Variants in DPP8 observed in about 807,000 individuals in gnomAD.
DPP8 encodes the protein DPP VIII.
In DPP8, 31 loss-of-function variants were observed where a neutral mutation model predicts 107.5. The ratio of observed to expected loss-of-function variants is 0.29; its 90% CI spans 0.22 to 0.39. The LOEUF (loss-of-function observed/expected upper bound fraction) is 0.39, where lower values mean the gene tolerates loss of function less well. DPP8 is among the 10% of genes least tolerant of loss of function. The pLI, the probability that DPP8 is intolerant of heterozygous loss-of-function variation, is 1.00. For missense variants in DPP8, 842 were observed against 1,076.1 expected (o/e 0.78, Z 3.04); for synonymous variants, 381 against 356.6 (o/e 1.07, Z -0.77).
At chr15:65,452,943 C>T (rs1225612207) in intron 17 of DPP8, among the ~76,000 whole-genome samples, 1 of 151,946 alleles carries the variant, frequency 6.6e-6, no homozygotes, top group Non-Finnish European at 1.5e-5. Flanking sequence ...TGCATTCCAG[C>T]CTGGGTGACA....
chr15:65,448,383 T>C (rs1384683586), intron 19 of DPP8, among the ~76,000 whole-genome samples: 1 of 151,638 alleles, frequency 6.6e-6, no homozygotes, highest in Admixed American at 6.6e-5. Flanking sequence ...TTTTTAAAAA[T>C]ATATTTAGGC....
intron 12 of DPP8, among the ~76,000 whole-genome samples, chr15:65,469,871 T>G (rs560699350): frequency 2.0e-5 from 3 of 151,450 alleles, no homozygotes; most frequent in African/African-American, 7.3e-5. Flanking sequence ...TTAAAAGTCT[T>G]AAAGCTTTAC....
intron 4 of DPP8, among the ~76,000 whole-genome samples, chr15:65,499,613 A>G (rs535008594): frequency 2.6e-5 from 4 of 152,084 alleles, no homozygotes; most frequent in Non-Finnish European, 4.4e-5. Context: ...CATCCACGCT[A>G]AAGTGCAGCA....
At chr15:65,510,679 C>T (rs549200373) in intron 2 of DPP8, among the ~76,000 whole-genome samples, 1 of 152,284 alleles carries the variant, frequency 6.6e-6, no homozygotes, top group East Asian at 1.9e-4. Context: ...GCTGGGATTA[C>T]AAGTGTGTAC....
rs920001 is a variant in DPP8, at chr15:65,466,170, G to C, written c.1825+508C>G. ...TCTTTATTTGTTGAGACAAGGTCTTGCTTTGTCACCCAGGCTGCAGTTCAG... is the reference window on the plus strand; with the variant it reads ...TCTTTATTTGTTGAGACAAGGTCTTCCTTTGTCACCCAGGCTGCAGTTCAG... On this transcript the variant is annotated intron_variant, in intron 14 of 19. Coordinates refer to ENST00000300141, the MANE Select transcript of DPP8 (RefSeq NM_130434.5). 5.9e-3 allele frequency among the ~76,000 whole-genome samples: 900 copies of C among 152,194 alleles called. 9 individuals carry two copies. Among genetic ancestry groups the C allele is most frequent in the African/African-American group, 0.019 (803 of 41,526 alleles).
At chr15:65,470,919 C>CA (rs773144225) in intron 12 of DPP8, among the ~76,000 whole-genome samples, 22,957 of 110,506 alleles carry the variant, frequency 0.21, 1,995 homozygotes, top group Non-Finnish European at 0.24. Context: ...ACTCTTATCT[C>CA]AAAAAAAAAA....
chr15:65,474,069 A>AC, intron 12 of DPP8, 140 bp downstream of exon 12: 1 of 636,048 alleles, frequency 1.6e-6, no homozygotes. Flanking sequence ...ACCCCATTGC[A>AC]CTCCAGCCCT....
rs2069124176 is a variant in DPP8, at chr15:65,500,669, T to C, written c.483A>G (p.Thr161=). The C allele has an allele frequency of 1.2e-6, 2 of 1,614,046 alleles. No homozygotes were observed. The highest frequency in any genetic ancestry group is 8.5e-7 in the Non-Finnish European group (1 of 1,179,972). Residue 161 remains threonine, a synonymous_variant, in exon 4 of 20, where the codon ACA becomes ACG. Transcript: ENST00000300141. ...ASYDYHQGSG[T]FLFQAGSGIY... Reference sequence around the variant, plus strand: ...TTCCACTACCGGCTTGAAACAGAAATGTTCCACTTCCTTGGTGATAATCGT... The same window carrying C: ...TTCCACTACCGGCTTGAAACAGAAACGTTCCACTTCCTTGGTGATAATCGT...
intron 5 of DPP8, among the ~76,000 whole-genome samples, chr15:65,493,457 A>G (rs2068250444): frequency 6.6e-6 from 1 of 152,216 alleles, no homozygotes; most frequent in African/African-American, 2.4e-5. Flanking sequence ...ATACCTTGCA[A>G]TCATATACAC....
intron 16 of DPP8, 107 bp downstream of exon 16, chr15:65,456,118 A>G: frequency 7.9e-6 from 10 of 1,271,278 alleles, no homozygotes; most frequent in East Asian, 4.7e-5. Flanking sequence ...ACTCTCACTC[A>G]CTCATTCATA....
At chr15:65,457,920 A>G (rs1398254700) in intron 15 of DPP8, among the ~76,000 whole-genome samples, 1 of 152,174 alleles carries the variant, frequency 6.6e-6, no homozygotes, top group African/African-American at 2.4e-5. Flanking sequence ...CAGCCTCTGA[A>G]TAGCTGGGAT....
At chr15:65,507,157 C>A in intron 3 of DPP8, 86 bp downstream of exon 3, 1 of 687,764 alleles carries the variant, frequency 1.5e-6, no homozygotes, top group Non-Finnish European at 2.3e-6. Context: ...TTTACATCTA[C>A]TTCAAATATA....
At chr15:65,476,108 C>G (rs1200377845) in intron 11 of DPP8, among the ~76,000 whole-genome samples, 1 of 152,142 alleles carries the variant, frequency 6.6e-6, no homozygotes, top group African/African-American at 2.4e-5. Flanking sequence ...GCCTAAGGAA[C>G]AGCTTAAAAA....
In DPP8 at chr15:65,507,282, G is replaced by A; in HGVS notation, c.333C>T (p.Val111=). Residue 111 remains valine, a synonymous_variant, in exon 3 of 20, where the codon GTC becomes GTT. Coordinates refer to ENST00000300141, the MANE Select transcript of DPP8 (RefSeq NM_130434.5). Reference sequence around the variant, plus strand: ...AAAGAGGCTTCCAAGAGAGCATTAAGACTGCTGCTCTATTGATAGTTTTGG... The same window carrying A: ...AAAGAGGCTTCCAAGAGAGCATTAAAACTGCTGCTCTATTGATAGTTTTGG... The part of the protein sequence containing the change: ...EIPKTINRAA[V]LMLSWKPLLD... 1 of 1,611,068 alleles carries A rather than the reference G, an allele frequency of 6.2e-7. No homozygotes were observed.
intron 1 of DPP8, chr15:65,515,625 T>C (rs1182228345): frequency 6.2e-7 from 1 of 1,606,122 alleles, no homozygotes; most frequent in Non-Finnish European, 8.5e-7. Context: ...CCCACCTACC[T>C]CGTCACTTAA....
In DPP8 at chr15:65,479,454, T is replaced by A. The variant is rs192180253; in HGVS notation, c.1297-415A>T. Among the ~76,000 whole-genome samples, 64 of 152,352 alleles carry A rather than the reference T, an allele frequency of 4.2e-4. No individual in the cohort carries two copies. In the East Asian group the frequency reaches 0.012, roughly 28 times the overall value. On this transcript the variant is annotated intron_variant, in intron 10 of 19. Coordinates refer to ENST00000300141, the MANE Select transcript of DPP8 (RefSeq NM_130434.5). The stretch of plus-strand genomic sequence containing the variant: ...AACAGGTGTTCATAGGTGAATCATA[T>A]GAAGCTTATATTCAGCTAGGAAGTG...
intron 19 of DPP8, among the ~76,000 whole-genome samples, chr15:65,448,263 G>A (rs752995456): frequency 1.3e-5 from 2 of 151,946 alleles, no homozygotes; most frequent in Non-Finnish European, 2.9e-5. Context: ...GGCTGAGCAT[G>A]GTAGCTCACC....
chr15:65,465,693 C>A (rs1273632322), intron 14 of DPP8, among the ~76,000 whole-genome samples: 1 of 151,410 alleles, frequency 6.6e-6, no homozygotes, highest in East Asian at 1.9e-4. Flanking sequence ...GTAGCTGGGA[C>A]TACAGGCGTG....
Position 65,480,397 on chromosome 15 carries a change from G to C in DPP8, c.1121C>G (p.Ala374Gly), listed in dbSNP as rs535146964. 30 of 1,597,824 alleles carry C rather than the reference G, an allele frequency of 1.9e-5. No homozygotes were observed. Among genetic ancestry groups the C allele is most frequent in the Admixed American group, 1.6e-4 (9 of 55,640 alleles). ...RAGWTPEGKY[A>G]WSILLDRSQT... is the part of the protein sequence containing the mutation. Reference sequence around the variant, plus strand: ...GGAGCGATCTAGTAGGATGGACCAAGCACTATTTAAATAAATAAAAGAGAA... The same window carrying C: ...GGAGCGATCTAGTAGGATGGACCAACCACTATTTAAATAAATAAAAGAGAA... The change falls in exon 10 of 20, where the codon GCT (alanine) becomes GGT (glycine). Residue 374 changes from alanine to glycine, a missense_variant and splice_region_variant. Transcript: ENST00000300141.
Sources: gnomAD v4.1 joint callset for allele counts (sites outside exome capture counted in the v4.1 genomes callset) on GRCh38, gnomAD v4.1.1 for gene constraint, MANE v1.5 for transcripts, NCBI Gene and HGNC (gene_info 2026-07-23, HGNC 2026-07-21) for gene names.